Variants in REG4 observed in about 807,000 individuals in gnomAD.
The protein encoded by REG4 is regenerating islet-derived protein 4.
A neutral mutation model predicts 22.3 loss-of-function variants in REG4; 16 were observed. The observed-to-expected ratio is 0.72, with a 90% CI of 0.49 to 1.09. REG4 has a LOEUF of 1.09. REG4 is among the 50% of genes least tolerant of loss of function. The pLI, the probability that REG4 is intolerant of heterozygous loss-of-function variation, is 0.00. For synonymous variants in REG4, 71 were observed against 69.2 expected, an observed-to-expected ratio of 1.03 and a Z score of -0.13; for missense variants, 214 against 193.9, an observed-to-expected ratio of 1.10 and a Z score of -0.61.
chr1:119,799,658 A>G (rs2101068115), intron 4 of REG4, 67 bp downstream of exon 4: 2 of 1,581,798 alleles, frequency 1.3e-6, no homozygotes, highest in Non-Finnish European at 1.7e-6. Flanking sequence ...CCGGGAGGCC[A>G]TTCCCCAAAA....
chr1:119,806,357 G>T (rs150120317), intron 2 of REG4, among the ~76,000 whole-genome samples: 212 of 152,226 alleles, frequency 1.4e-3, no homozygotes, highest in African/African-American at 4.7e-3. Context: ...TCCAGATGAA[G>T]AAACAAAGGC....
At chr1:119,799,072 A>G (rs1654019209) in intron 4 of REG4, among the ~76,000 whole-genome samples, 1 of 152,190 alleles carries the variant, frequency 6.6e-6, no homozygotes, top group African/African-American at 2.4e-5. Flanking sequence ...AATGTGTGGT[A>G]TCTTCAGCAG....
chr1:119,799,950 G>A, intron 3 of REG4, 88 bp from the exon 4 acceptor site: 1 of 1,504,406 alleles, frequency 6.6e-7, no homozygotes, highest in Non-Finnish European at 9.1e-7. Context: ...AAGAAGGAGG[G>A]ACTCACGCAG....
chr1:119,795,679 A>AG (rs1653917095), intron 5 of REG4, among the ~76,000 whole-genome samples: 1 of 151,954 alleles, frequency 6.6e-6, no homozygotes, highest in South Asian at 2.1e-4. Flanking sequence ...TGGGGAGAGG[A>AG]GGGGGTGAGG....
chr1:119,797,787 G>A (rs192861182), intron 5 of REG4, among the ~76,000 whole-genome samples: 18 of 152,292 alleles, frequency 1.2e-4, no homozygotes, highest in Non-Finnish European at 2.1e-4. Context: ...TCACGACCTG[G>A]GAGGAGGAGT....
intron 5 of REG4, among the ~76,000 whole-genome samples, chr1:119,796,534 T>C (rs587740700): frequency 7.1e-4 from 108 of 152,252 alleles, no homozygotes; most frequent in African/African-American, 2.5e-3. Context: ...TGTGTGGCTG[T>C]ATATTGGGGC....
chr1:119,805,922 G>A (rs587608858), intron 2 of REG4, among the ~76,000 whole-genome samples: 17 of 152,044 alleles, frequency 1.1e-4, no homozygotes, highest in South Asian at 4.2e-4. Context: ...TGCAACCAAC[G>A]GCCGCTCTGC....
chr1:119,795,976 G>C (rs975360014), intron 5 of REG4, among the ~76,000 whole-genome samples: 1 of 152,220 alleles, frequency 6.6e-6, no homozygotes, highest in African/African-American at 2.4e-5. Flanking sequence ...CTCACTATAG[G>C]CACTAAGCAA....
chr1:119,798,756 C>T (rs1654008799), intron 4 of REG4, among the ~76,000 whole-genome samples, 154 bp from the exon 5 acceptor site: 1 of 152,154 alleles, frequency 6.6e-6, no homozygotes, highest in Non-Finnish European at 1.5e-5. Context: ...AGTCATTCCA[C>T]TCAACCGCTA....
intron 5 of REG4, among the ~76,000 whole-genome samples, chr1:119,797,683 T>A (rs1348970730): frequency 6.6e-6 from 1 of 152,142 alleles, no homozygotes; most frequent in Non-Finnish European, 1.5e-5. Flanking sequence ...ACAGCTGAAG[T>A]TTTCTACACC....
At chr1:119,807,618 C>CA (rs1048788801) in intron 2 of REG4, among the ~76,000 whole-genome samples, 1 of 152,176 alleles carries the variant, frequency 6.6e-6, no homozygotes, top group African/African-American at 2.4e-5. Context: ...GAGCAGCCCC[C>CA]CAGAGCCTTG....
chr1:119,808,308 C>T (rs985165156), intron 2 of REG4, among the ~76,000 whole-genome samples: 6 of 152,278 alleles, frequency 3.9e-5, no homozygotes, highest in Non-Finnish European at 8.8e-5. Context: ...ATTGTAGGTA[C>T]CTTGCAAACT....
intron 1 of REG4, 30 bp from the exon 2 acceptor site, chr1:119,808,893 C>T (rs1654410178): frequency 1.7e-6 from 1 of 586,206 alleles, no homozygotes; most frequent in African/African-American, 1.9e-5. Flanking sequence ...TGAGAAGGAC[C>T]CAGGAATCTA....
At chr1:119,798,467 A>G (rs867675335) in intron 5 of REG4, 30 bp downstream of exon 5, 2 of 1,548,582 alleles carry the variant, frequency 1.3e-6, no homozygotes, top group Non-Finnish European at 1.8e-6. Flanking sequence ...CGCATTGGGA[A>G]GTGGTGAGGG....
intron 3 of REG4, among the ~76,000 whole-genome samples, chr1:119,800,130 G>A (rs1557760812): frequency 6.6e-6 from 1 of 152,198 alleles, no homozygotes; most frequent in Non-Finnish European, 1.5e-5. Context: ...TTGCCTCTCA[G>A]TGGTTTATGT....
chr1:119,803,264 A>G lies in REG4; in HGVS notation c.68-99T>C, dbSNP rs879331668. ...AATCAGGAACCCCTTGAATGAAGAG[A>G]GTCCCTTCATGAAGGGTCCTGCTAC... is the stretch of plus-strand genomic sequence containing the variant. On this transcript the variant is annotated intron_variant, in intron 2 of 5. Transcript: ENST00000256585. 1.5e-5 allele frequency: 20 copies of G among 1,292,202 alleles called. No homozygotes were observed. In the Admixed American group the frequency reaches 3.8e-4, roughly 24 times the overall value. 80.0% of individuals were successfully genotyped at this position (1,292,202 alleles called of 1,614,324 possible).
In REG4 at chr1:119,794,127, A is replaced by G. The variant is rs1239630417; in HGVS notation, c.*491T>C. On this transcript the variant is annotated 3_prime_UTR_variant, in exon 6 of 6. Transcript: ENST00000256585. The stretch of plus-strand genomic sequence containing the variant: ...TTTATTAAAGGAATGTATGGCCCAC[A>G]TCAACCTAGCAAGGATTCTACTGGT... 1.9e-6 allele frequency: 1 copy of G among 533,810 alleles called. No individual in the cohort carries two copies. 33.1% of individuals were successfully genotyped at this position (533,810 alleles called of 1,614,324 possible). A position where few individuals can be genotyped will look rare whatever the true frequency, so the allele number is the denominator to read the frequency against.
rs1653999415 is a variant in REG4 at position 119,798,519 on chromosome 1, A to C, written c.387T>G (p.Cys129Trp). The C allele has an allele frequency of 6.2e-7, 1 of 1,614,116 alleles. No homozygotes were observed. The highest frequency in any genetic ancestry group is 2.2e-5 in the East Asian group (1 of 44,886). ...TACTGTTATTGGAGCTCATCTCAGC[A>C]CAGTGCTTGTTCCCACCCATGGACT... is the stretch of plus-strand genomic sequence containing the variant. Reference protein sequence around the residue: ...SGKSMGGNKHCAEMSSNNNFL... With the variant: ...SGKSMGGNKHWAEMSSNNNFL... The change falls in exon 5 of 6, where the codon TGT becomes TGG. Residue 129 changes from cysteine to tryptophan, a missense_variant. Transcript: ENST00000256585.
intron 4 of REG4, among the ~76,000 whole-genome samples, chr1:119,799,277 C>T (rs1654025911): frequency 6.6e-6 from 1 of 151,740 alleles, no homozygotes. Context: ...CAGGAAGTTA[C>T]AGTGAAAAAC....
Sources: allele counts gnomAD v4.1 joint callset (sites outside exome capture counted in the v4.1 genomes callset), GRCh38; gene constraint gnomAD v4.1.1; transcripts MANE v1.5; gene names NCBI Gene and HGNC (gene_info 2026-07-23, HGNC 2026-07-21).